AOPEP: variants seen among roughly 807,000 people sequenced by gnomAD.
AOPEP encodes the protein aminopeptidase O (putative).
AOPEP carries 77 observed loss-of-function variants against 98.1 expected under a neutral mutation model. That is an observed-to-expected ratio of 0.78 (90% CI 0.65 to 0.95). AOPEP has a LOEUF of 0.95. Among genes scored for constraint, AOPEP ranks in the 40% least tolerant of loss-of-function variants. AOPEP has a pLI of 0.00. For synonymous variants in AOPEP, 346 were observed against 365.3 expected (o/e 0.95, Z 0.60); for missense variants, 1,024 against 1,024.7 (o/e 1.00, Z 0.01).
chr9:94,955,510 G>A (rs1010069472), intron 8 of AOPEP, among the ~76,000 whole-genome samples: 4 of 152,198 alleles, frequency 2.6e-5, no homozygotes, highest in Admixed American at 1.3e-4. Flanking sequence ...CTGTACCTCT[G>A]TTCTCCCTGC....
chr9:94,989,095 T>TTTTG (rs111617572), intron 11 of AOPEP, among the ~76,000 whole-genome samples: 11 of 151,602 alleles, frequency 7.3e-5, no homozygotes, highest in South Asian at 2.1e-4. Context: ...TTTTTTTATT[T>TTTTG]TTTGTTTGTT....
intron 14 of AOPEP, among the ~76,000 whole-genome samples, chr9:95,079,028 C>T (rs893742504): frequency 4.6e-5 from 7 of 152,182 alleles, no homozygotes; most frequent in South Asian, 2.1e-4. Flanking sequence ...AAGATTTTGC[C>T]GTCCCAGCCT....
chr9:95,041,446 G>GTGTGTGTGTGTGTGTGTGTGTGT (rs200579150), intron 13 of AOPEP, among the ~76,000 whole-genome samples: 13 of 142,008 alleles, frequency 9.2e-5, no homozygotes, highest in African/African-American at 3.2e-4. Context: ...AGTCCTTGGG[G>GTGTGTGTGTGTGTGTGTGTGTGT]GTGTGTGTGT....
intron 13 of AOPEP, among the ~76,000 whole-genome samples, chr9:95,039,572 C>G (rs2065115454): frequency 6.6e-6 from 1 of 151,936 alleles, no homozygotes. Flanking sequence ...GACCCTGTCT[C>G]AAAAACAAAA....
intron 5 of AOPEP, among the ~76,000 whole-genome samples, chr9:94,887,622 G>A (rs1746414636): frequency 6.6e-6 from 1 of 152,104 alleles, no homozygotes; most frequent in African/African-American, 2.4e-5. Context: ...GATTGAGAGT[G>A]TTGGGAGGGC....
rs550066840 is a variant in AOPEP at position 94,930,011 on chromosome 9, C to T, written c.1661+1480C>T. Among the ~76,000 whole-genome samples the T allele has an allele frequency of 2.0e-5, 3 of 152,296 alleles. No homozygotes were observed. The South Asian group carries it at 6.2e-4, about 32-fold the overall frequency. On this transcript the variant is annotated intron_variant, in intron 7 of 16. Coordinates refer to ENST00000375315, the MANE Select transcript of AOPEP (RefSeq NM_001193329.3). This position sits in a 1 kb window ranked among gnomAD's most constrained non-coding sequence, Gnocchi z 4.5. The stretch of plus-strand genomic sequence containing the variant: ...GGAGCCAGGTCACACGAGTCTTTCC[C>T]CAAGTTCTTCAGAAGCTGCTCCAGG...
the AOPEP span, among the ~76,000 whole-genome samples, chr9:95,124,531 C>T: frequency 3.3e-5 from 5 of 152,178 alleles, no homozygotes; most frequent in African/African-American, 7.2e-5. Context: ...CTAACACACA[C>T]CTCCCGCTCA....
chr9:94,815,000 T>C (rs190266864), intron 5 of AOPEP, among the ~76,000 whole-genome samples: 48 of 152,266 alleles, frequency 3.2e-4, no homozygotes, highest in African/African-American at 1.1e-3. Flanking sequence ...ATACTGACGC[T>C]TGTGTGGGAA....
At chr9:95,111,991 G>A in the AOPEP span, among the ~76,000 whole-genome samples, 1 of 152,196 alleles carries the variant, frequency 6.6e-6, no homozygotes, top group African/African-American at 2.4e-5. Context: ...CTTCTGAGAT[G>A]GGGAGAAAGA....
intron 1 of AOPEP, among the ~76,000 whole-genome samples, chr9:94,744,935 A>AT (rs1487621883): frequency 6.6e-6 from 1 of 151,688 alleles, no homozygotes; most frequent in Non-Finnish European, 1.5e-5. Context: ...TTTATTTTTA[A>AT]TTTTTCTGGA....
At chr9:94,876,586 C>T (rs920753929) in intron 5 of AOPEP, among the ~76,000 whole-genome samples, 2 of 152,104 alleles carry the variant, frequency 1.3e-5, no homozygotes, top group Admixed American at 6.6e-5. Flanking sequence ...AGGTTGGTCT[C>T]GATCTCCTGA....
intron 1 of AOPEP, among the ~76,000 whole-genome samples, chr9:94,737,812 A>G (rs940989906): frequency 6.6e-6 from 1 of 152,160 alleles, no homozygotes; most frequent in Non-Finnish European, 1.5e-5. Flanking sequence ...GGTTGGGGAT[A>G]TAGGGAGTTC....
At chr9:95,099,156 T>TAAC in the AOPEP span, 10 of 216,446 alleles carry the variant, frequency 4.6e-5, no homozygotes, top group East Asian at 4.1e-4. Context: ...TCCAGGGGAA[T>TAAC]AACAGCCTGG....
chr9:94,825,171 T>A (rs1854214281), intron 5 of AOPEP, among the ~76,000 whole-genome samples: 1 of 152,170 alleles, frequency 6.6e-6, no homozygotes, highest in African/African-American at 2.4e-5. Flanking sequence ...TTACTATTTT[T>A]AAAGTTTGCT....
the AOPEP span, chr9:95,100,053 T>A: frequency 4.3e-6 from 1 of 232,098 alleles, no homozygotes; most frequent in Non-Finnish European, 8.5e-6. Context: ...GAGTCACAGC[T>A]TCCATGGCCC....
the AOPEP span, among the ~76,000 whole-genome samples, chr9:95,139,315 G>A: frequency 1.3e-5 from 2 of 152,190 alleles, no homozygotes; most frequent in Non-Finnish European, 2.9e-5. Context: ...GGCAGAGGGT[G>A]CGTCTCCTCA....
chr9:94,898,435 A>G (rs966299086), intron 5 of AOPEP, among the ~76,000 whole-genome samples: 1 of 151,648 alleles, frequency 6.6e-6, no homozygotes, highest in African/African-American at 2.4e-5. Context: ...CCTGGCCAAC[A>G]TGGTGAAACC....
intron 13 of AOPEP, among the ~76,000 whole-genome samples, chr9:95,017,944 G>A (rs1270619749): frequency 1.3e-5 from 2 of 152,170 alleles, no homozygotes; most frequent in Non-Finnish European, 2.9e-5. Context: ...GAGCTCCAGT[G>A]GTGTTGCATG....
chr9:94,880,354 T>G (rs1564311463), intron 5 of AOPEP, among the ~76,000 whole-genome samples: 1 of 151,628 alleles, frequency 6.6e-6, no homozygotes, highest in African/African-American at 2.4e-5. Context: ...TTTCTTTTTC[T>G]TTTTCTTTTT....
Sources: allele counts gnomAD v4.1 joint callset (sites outside exome capture counted in the v4.1 genomes callset), GRCh38; gene constraint gnomAD v4.1.1; non-coding constraint Gnocchi (gnomAD v3.1); transcripts MANE v1.5; gene names NCBI Gene and HGNC (gene_info 2026-07-23, HGNC 2026-07-21).